Variants in MAD1L1 observed in about 807,000 individuals in gnomAD.
MAD1L1 encodes mitotic spindle assembly checkpoint protein MAD1.
MAD1L1 carries 95 observed loss-of-function variants against 96.9 expected under a neutral mutation model. The ratio of observed to expected loss-of-function variants is 0.98; its 90% CI spans 0.83 to 1.16. The LOEUF (loss-of-function observed/expected upper bound fraction) is 1.16, where lower values mean the gene tolerates loss of function less well. Among genes scored for constraint, MAD1L1 ranks in the 50% most tolerant of loss-of-function variants. The probability of loss-of-function intolerance (pLI) is 0.00; values close to 1 mark genes in which losing one functional copy is unlikely to be tolerated. For synonymous variants in MAD1L1, 473 were observed against 396.6 expected (o/e 1.19, Z -2.29); for missense variants, 1,007 against 954.4 (o/e 1.06, Z -0.73).
intron 12 of MAD1L1, among the ~76,000 whole-genome samples, chr7:2,042,225 A>ACAGACGTG (rs1783716581): frequency 1.5e-5 from 1 of 67,856 alleles, no homozygotes; most frequent in Non-Finnish European, 2.6e-5. Flanking sequence ...AGACGTGCAC[A>ACAGACGTG]CACAAGCGCA....
chr7:2,007,605 C>G (rs762531190), intron 13 of MAD1L1, among the ~76,000 whole-genome samples: 1 of 152,206 alleles, frequency 6.6e-6, no homozygotes, highest in African/African-American at 2.4e-5. Context: ...ACCCGGCAAG[C>G]GGAGGCTGCA....
At chr7:2,126,133 G>C (rs1046729709) in intron 11 of MAD1L1, among the ~76,000 whole-genome samples, 1 of 152,222 alleles carries the variant, frequency 6.6e-6, no homozygotes, top group Non-Finnish European at 1.5e-5. Flanking sequence ...CCTGTGAAGC[G>C]AGGGATGGCA....
chr7:2,131,863 C>A (rs529029368), intron 11 of MAD1L1, among the ~76,000 whole-genome samples: 131 of 152,324 alleles, frequency 8.6e-4, no homozygotes, highest in Admixed American at 2.2e-3. Flanking sequence ...TTCCTTCTTT[C>A]GGCAACTGGC....
chr7:1,857,788 C>T (rs956624348), intron 18 of MAD1L1, among the ~76,000 whole-genome samples: 2 of 152,236 alleles, frequency 1.3e-5, no homozygotes, highest in African/African-American at 2.4e-5. Context: ...CAGCACGACG[C>T]CCCCTCTGAG....
intron 10 of MAD1L1, among the ~76,000 whole-genome samples, chr7:2,210,830 A>G: frequency 6.6e-6 from 1 of 152,068 alleles, no homozygotes; most frequent in Non-Finnish European, 1.5e-5. Flanking sequence ...GGCTCCATCC[A>G]CCTTCCTGGC....
intron 11 of MAD1L1, among the ~76,000 whole-genome samples, chr7:2,137,713 G>A (rs2128572245): frequency 6.6e-6 from 1 of 152,254 alleles, no homozygotes; most frequent in East Asian, 1.9e-4. Context: ...CCTCAAAGAT[G>A]CCACCTCAGG....
At chr7:1,885,452 G>C (rs1489288206) in intron 18 of MAD1L1, among the ~76,000 whole-genome samples, 1 of 151,182 alleles carries the variant, frequency 6.6e-6, no homozygotes, top group Non-Finnish European at 1.5e-5. Flanking sequence ...AGTGCACTCA[G>C]ACAGGAGAGA....
intron 15 of MAD1L1, among the ~76,000 whole-genome samples, chr7:1,966,265 A>C (rs1311702156): frequency 1.3e-5 from 2 of 152,210 alleles, no homozygotes; most frequent in African/African-American, 4.8e-5. Flanking sequence ...ACAGGACTTA[A>C]ACACAAAACC....
At chr7:2,232,087 C>G (rs1025048787) in intron 1 of MAD1L1, among the ~76,000 whole-genome samples, 1 of 152,156 alleles carries the variant, frequency 6.6e-6, no homozygotes, top group South Asian at 2.1e-4. Flanking sequence ...GAAGACAAAC[C>G]GCAGTAAAGA....
intron 18 of MAD1L1, among the ~76,000 whole-genome samples, chr7:1,878,572 T>TAAAA (rs34728278): frequency 4.0e-5 from 6 of 148,286 alleles, no homozygotes; most frequent in Admixed American, 6.7e-5. Flanking sequence ...TCAATAGATG[T>TAAAA]AAAAAAAAAA....
At chr7:1,954,009 C>T (rs1189719754) in intron 16 of MAD1L1, among the ~76,000 whole-genome samples, 5 of 152,004 alleles carry the variant, frequency 3.3e-5, no homozygotes. Flanking sequence ...GCCTGTGAGC[C>T]CCGACTAGCC....
chr7:1,941,769 G>A (rs372824105), intron 16 of MAD1L1, among the ~76,000 whole-genome samples: 6 of 152,220 alleles, frequency 3.9e-5, no homozygotes, highest in Admixed American at 1.3e-4. Context: ...GGGCTGGAGC[G>A]ACCTGCGATG....
At chr7:2,028,695 C>T (rs62444886) in intron 12 of MAD1L1, among the ~76,000 whole-genome samples, 7,355 of 152,142 alleles carry the variant, frequency 0.048, 273 homozygotes, top group Non-Finnish European at 0.064. Flanking sequence ...GGAATTGAAA[C>T]TTGTGGTTTT....
chr7:2,201,119 T>C (rs940650766), intron 10 of MAD1L1, among the ~76,000 whole-genome samples: 1 of 152,086 alleles, frequency 6.6e-6, no homozygotes, highest in South Asian at 2.1e-4. Context: ...AAAGCTGACG[T>C]TGAGGAATGT....
chr7:2,138,822 A>T (rs535366902), intron 11 of MAD1L1, among the ~76,000 whole-genome samples: 48 of 152,302 alleles, frequency 3.2e-4, no homozygotes, highest in Admixed American at 1.2e-3. Flanking sequence ...ACCCAGTGAC[A>T]GAGACCACAG....
chr7:2,016,528 C>T (rs920121954), intron 12 of MAD1L1, among the ~76,000 whole-genome samples: 1 of 152,214 alleles, frequency 6.6e-6, no homozygotes, highest in Non-Finnish European at 1.5e-5. Flanking sequence ...GAGAGACCGA[C>T]CCAGTGCTCC....
At chr7:2,071,561 G>C (rs1785128370) in intron 11 of MAD1L1, among the ~76,000 whole-genome samples, 1 of 152,256 alleles carries the variant, frequency 6.6e-6, no homozygotes, top group East Asian at 1.9e-4. Context: ...GGCAGCTGCA[G>C]GATGGGGCGG....
intron 10 of MAD1L1, among the ~76,000 whole-genome samples, chr7:2,162,994 A>C (rs1014119517): frequency 1.3e-5 from 2 of 151,764 alleles, no homozygotes; most frequent in Non-Finnish European, 2.9e-5. Flanking sequence ...ATAATCTTTC[A>C]CTATTTGCTT....
At chr7:2,112,233 A>C (rs1415719235) in intron 11 of MAD1L1, among the ~76,000 whole-genome samples, 10 of 152,206 alleles carry the variant, frequency 6.6e-5, no homozygotes, top group Non-Finnish European at 1.3e-4. Flanking sequence ...TGGGGCCGCA[A>C]GTCAGCCCCA....
Sources: allele counts gnomAD v4.1 joint callset (sites outside exome capture counted in the v4.1 genomes callset), GRCh38; gene constraint gnomAD v4.1.1; transcripts MANE v1.5; gene names NCBI Gene and HGNC (gene_info 2026-07-23, HGNC 2026-07-21).